The following CCDC18 variants were observed in gnomAD, a reference collection of about 807,000 sequenced individuals.
CCDC18 encodes coiled-coil domain-containing protein 18.
CCDC18 carries 157 observed loss-of-function variants against 196.0 expected under a neutral mutation model. The ratio of observed to expected loss-of-function variants is 0.80; its 90% CI spans 0.70 to 0.91. The LOEUF (loss-of-function observed/expected upper bound fraction) is 0.91, where lower values mean the gene tolerates loss of function less well. CCDC18 is among the 40% of genes least tolerant of loss of function. The pLI, the probability that CCDC18 is intolerant of heterozygous loss-of-function variation, is 0.00. For missense variants in CCDC18, 1,465 were observed against 1,611.6 expected, an observed-to-expected ratio of 0.91 and a Z score of 1.56; for synonymous variants, 482 against 529.2, an observed-to-expected ratio of 0.91 and a Z score of 1.22.
At chr1:93,208,468 A>T (rs1352418826) in intron 9 of CCDC18, among the ~76,000 whole-genome samples, 1 of 151,698 alleles carries the variant, frequency 6.6e-6, no homozygotes, top group African/African-American at 2.4e-5. Context: ...AGTAGCTGGG[A>T]CTACAGGCAC....
At chr1:93,251,867 C>T (rs900722961) in intron 23 of CCDC18, among the ~76,000 whole-genome samples, 6 of 151,628 alleles carry the variant, frequency 4.0e-5, no homozygotes, top group Non-Finnish European at 8.8e-5. Flanking sequence ...AGCTTTCTAC[C>T]CCTTTGTCTT....
intron 11 of CCDC18, among the ~76,000 whole-genome samples, chr1:93,214,214 C>T (rs1202716776): frequency 6.6e-6 from 1 of 152,090 alleles, no homozygotes; most frequent in Non-Finnish European, 1.5e-5. Context: ...TGCCACTGTG[C>T]CTGGCTACCC....
chr1:93,232,581 ACTTG>A lies in CCDC18; in HGVS notation c.2449_2452del (p.Leu817LysfsTer22). ...GAGAGCTAGAAGATACTCAAACTAA[ACTTG>A]AAAAACAGGTATATATTATTAGCCC... On this transcript the variant is annotated frameshift_variant, in exon 18 of 29. Transcript: ENST00000690025. LOFTEE classifies it high-confidence loss of function. 6.3e-7 allele frequency: 1 copy of A among 1,595,872 alleles called. No individual in the cohort carries two copies. The highest frequency in any genetic ancestry group is 1.8e-5 in the Admixed American group (1 of 56,670).
At chr1:93,218,781 C>A (rs927393158) in intron 14 of CCDC18, among the ~76,000 whole-genome samples, 1 of 151,796 alleles carries the variant, frequency 6.6e-6, no homozygotes. Flanking sequence ...GTGCCTGGCT[C>A]ACGCAGAGGT....
At chr1:93,210,197 A>T (rs1655386119) in intron 9 of CCDC18, among the ~76,000 whole-genome samples, 1 of 152,194 alleles carries the variant, frequency 6.6e-6, no homozygotes, top group South Asian at 2.1e-4. Flanking sequence ...TTATAGTTTG[A>T]AGGTAGAAGT....
chr1:93,197,852 T>G (rs563154377), intron 6 of CCDC18, among the ~76,000 whole-genome samples: 3 of 147,164 alleles, frequency 2.0e-5, no homozygotes, highest in Middle Eastern at 7.2e-3. Flanking sequence ...CCTGGGTTCA[T>G]GCCATTCTCT....
chr1:93,232,039 C>T (rs1659318618), intron 17 of CCDC18, among the ~76,000 whole-genome samples: 1 of 152,088 alleles, frequency 6.6e-6, no homozygotes, highest in Admixed American at 6.6e-5. Flanking sequence ...CTAGGGAAGC[C>T]TATTTATGAC....
At chr1:93,242,107 T>C (rs1292759232) in intron 21 of CCDC18, among the ~76,000 whole-genome samples, 1 of 152,218 alleles carries the variant, frequency 6.6e-6, no homozygotes, top group African/African-American at 2.4e-5. Context: ...TACAAATGTT[T>C]ACAAAGTAAG....
At chr1:93,206,351 A>G (rs1475912350) in intron 8 of CCDC18, among the ~76,000 whole-genome samples, 1 of 152,188 alleles carries the variant, frequency 6.6e-6, no homozygotes, top group Non-Finnish European at 1.5e-5. Context: ...CTTTTAAGAA[A>G]GAAAGATGCT....
chr1:93,270,474 C>T lies in CCDC18; in HGVS notation c.4013C>T (p.Ala1338Val). The T allele has an allele frequency of 6.5e-7, 1 of 1,550,372 alleles. No individual in the cohort carries two copies. The highest frequency in any genetic ancestry group is 8.7e-7 in the Non-Finnish European group (1 of 1,146,870). The change falls in exon 28 of 29, where the codon GCT (alanine) becomes GTT (valine). Residue 1338 changes from alanine to valine, a missense_variant. Transcript: ENST00000690025. ...CCTGATGTTCAAGATCCAAAATTTG[C>T]TAAATGTTTTCACACATCTTTTTCC... The part of the protein sequence containing the change: ...IMPDVQDPKF[A>V]KCFHTSFSKC...
chr1:93,205,748 G>A, intron 8 of CCDC18, 117 bp downstream of exon 8: 1 of 916,608 alleles, frequency 1.1e-6, no homozygotes. Flanking sequence ...AGAAGGATAG[G>A]CTTCATGACT....
chr1:93,209,864 C>A (rs2101969140), intron 9 of CCDC18, among the ~76,000 whole-genome samples: 1 of 152,230 alleles, frequency 6.6e-6, no homozygotes, highest in South Asian at 2.1e-4. Context: ...GAGTTCAAGA[C>A]CAGCTTGGGT....
chr1:93,246,981 T>C, intron 23 of CCDC18, 27 bp downstream of exon 23: 1 of 943,422 alleles, frequency 1.1e-6, no homozygotes, highest in Non-Finnish European at 1.6e-6. Flanking sequence ...TTACGTATTT[T>C]AAATTATTTT....
At chr1:93,215,600 G>A (rs528809289) in intron 12 of CCDC18, among the ~76,000 whole-genome samples, 2 of 152,066 alleles carry the variant, frequency 1.3e-5, no homozygotes, top group South Asian at 4.2e-4. Flanking sequence ...GAGACTGCAG[G>A]CATGTGTCAC....
At chr1:93,184,662 CCTCA>C in intron 3 of CCDC18, among the ~76,000 whole-genome samples, 1 of 151,996 alleles carries the variant, frequency 6.6e-6, no homozygotes, top group South Asian at 2.1e-4. Flanking sequence ...TATCCCTCTT[CCTCA>C]CTCAACTCTT....
intron 16 of CCDC18, among the ~76,000 whole-genome samples, chr1:93,225,673 A>G (rs1448399742): frequency 1.3e-5 from 2 of 151,956 alleles, no homozygotes; most frequent in Non-Finnish European, 2.9e-5. Flanking sequence ...GCTACTCAGG[A>G]GGCGGAGGCA....
chr1:93,236,262 A>G lies in CCDC18; in HGVS notation c.2475A>G (p.Glu825=), dbSNP rs1461933068. The G allele has an allele frequency of 6.4e-7, 1 of 1,574,784 alleles. No homozygotes were observed. The highest frequency in any genetic ancestry group is 1.4e-5 in the African/African-American group (1 of 71,678). Reference sequence around the variant, plus strand: ...TGCTTTACAAGGTGTCAAAACTGGAACAAGAACTTCAAAAACAAAGGGAAA... The same window carrying G: ...TGCTTTACAAGGTGTCAAAACTGGAGCAAGAACTTCAAAAACAAAGGGAAA... The part of the protein sequence containing the change: ...TKLEKQVSKL[E]QELQKQRESS... The change falls in exon 19 of 29, where the codon GAA becomes GAG. Residue 825 remains glutamate, a synonymous_variant. Coordinates refer to ENST00000690025, the MANE Select transcript of CCDC18 (RefSeq NM_001378204.1).
chr1:93,266,303 G>A (rs892412069), intron 27 of CCDC18, among the ~76,000 whole-genome samples: 4 of 152,186 alleles, frequency 2.6e-5, no homozygotes, highest in Non-Finnish European at 5.9e-5. Context: ...AGTGTGGAGA[G>A]GGAAATTTAT....
intron 17 of CCDC18, 24 bp downstream of exon 17, chr1:93,226,473 A>G (rs908661237): frequency 5.1e-6 from 5 of 978,228 alleles, no homozygotes; most frequent in Non-Finnish European, 8.1e-6. Flanking sequence ...TACTTTATAT[A>G]TAGCATATAT....
Sources: gnomAD v4.1 joint callset for allele counts (sites outside exome capture counted in the v4.1 genomes callset) on GRCh38, gnomAD v4.1.1 for gene constraint, MANE v1.5 for transcripts, NCBI Gene and HGNC (gene_info 2026-07-23, HGNC 2026-07-21) for gene names.